AOAH: variants seen among roughly 807,000 people sequenced by gnomAD.
AOAH encodes the protein acyloxyacyl hydrolase.
In AOAH, 64 loss-of-function variants were observed where a neutral mutation model predicts 92.2. That is an observed-to-expected ratio of 0.69 (90% CI 0.57 to 0.86). The LOEUF is 0.86. AOAH is among the 40% of genes least tolerant of loss of function. The pLI is 0.00. For missense variants in AOAH, 656 were observed against 694.6 expected, an observed-to-expected ratio of 0.94 and a Z score of 0.62; for synonymous variants, 263 against 254.5, an observed-to-expected ratio of 1.03 and a Z score of -0.32.
intron 5 of AOAH, among the ~76,000 whole-genome samples, chr7:36,633,563 G>A (rs543049422): frequency 1.1e-4 from 17 of 152,150 alleles, no homozygotes; most frequent in Non-Finnish European, 2.2e-4. Context: ...GTGTCTTAGA[G>A]GAATGCCAAA....
chr7:36,579,373 C>CT (rs1010877168), intron 12 of AOAH, among the ~76,000 whole-genome samples: 2 of 66,196 alleles, frequency 3.0e-5, no homozygotes, highest in African/African-American at 9.3e-5. Flanking sequence ...CTGAACCCCG[C>CT]CCCCCCCAAA....
At chr7:36,518,498 T>G (rs12673000) in intron 20 of AOAH, among the ~76,000 whole-genome samples, 86,028 of 152,072 alleles carry the variant, frequency 0.57, 24,634 homozygotes, top group East Asian at 0.79. Context: ...TTGTCCTCAG[T>G]ACGGGAGGAT....
intron 1 of AOAH, among the ~76,000 whole-genome samples, chr7:36,690,574 G>C (rs957807487): frequency 6.6e-6 from 1 of 152,172 alleles, no homozygotes; most frequent in Non-Finnish European, 1.5e-5. Flanking sequence ...AGAGATGCAC[G>C]GGCAGAGTAA....
chr7:36,673,984 G>C lies in AOAH; in HGVS notation c.249C>G (p.Cys83Trp). 6.2e-7 allele frequency: 1 copy of C among 1,610,068 alleles called. No homozygotes were observed. Among genetic ancestry groups the C allele is most frequent in the Non-Finnish European group, 8.5e-7 (1 of 1,176,842 alleles). ...ATCCAAACTTGTCAATGACTAAATAGCAGGTGGTTTTCAAGAACAGTTTTT... is the reference window on the plus strand; with the variant it reads ...ATCCAAACTTGTCAATGACTAAATACCAGGTGGTTTTCAAGAACAGTTTTT... ...LPEKLFLKTT[C>W]YLVIDKFGSD... The change falls in exon 3 of 21, where the codon TGC becomes TGG. Residue 83 changes from cysteine (C) to tryptophan (W), a missense_variant. By Grantham distance (215) the Cys-to-Trp change is radical. Coordinates refer to ENST00000617537, the MANE Select transcript of AOAH (RefSeq NM_001637.4).
At chr7:36,579,889 G>C (rs1376415946) in intron 12 of AOAH, among the ~76,000 whole-genome samples, 1 of 152,162 alleles carries the variant, frequency 6.6e-6, no homozygotes, top group Non-Finnish European at 1.5e-5. Flanking sequence ...ATCCAATCAA[G>C]TTGACACTCA....
intron 11 of AOAH, among the ~76,000 whole-genome samples, chr7:36,609,079 T>A (rs1791227077): frequency 1.3e-5 from 2 of 151,928 alleles, no homozygotes; most frequent in South Asian, 4.2e-4. Context: ...CAGCCCAAGG[T>A]CAACCCCAAC....
intron 19 of AOAH, among the ~76,000 whole-genome samples, chr7:36,528,741 A>G (rs1009824468): frequency 6.6e-6 from 1 of 152,188 alleles, no homozygotes; most frequent in Non-Finnish European, 1.5e-5. Context: ...GACTACAAGC[A>G]TGCACCACCA....
At chr7:36,632,209 C>T in intron 5 of AOAH, 103 bp from the exon 6 acceptor site, 3 of 921,492 alleles carry the variant, frequency 3.3e-6, no homozygotes, top group Non-Finnish European at 1.7e-6. Context: ...ATCCTCCTTC[C>T]TCTAGAATCC....
intron 20 of AOAH, among the ~76,000 whole-genome samples, chr7:36,515,051 G>A (rs938265491): frequency 5.3e-5 from 8 of 151,334 alleles, no homozygotes; most frequent in Non-Finnish European, 4.4e-5. Context: ...CTCCCCCACC[G>A]CATAACACAC....
At chr7:36,610,517 AAAAG>A (rs1325889019) in intron 11 of AOAH, among the ~76,000 whole-genome samples, 1 of 151,828 alleles carries the variant, frequency 6.6e-6, no homozygotes, top group African/African-American at 2.4e-5. Context: ...TTTTTAAAAA[AAAAG>A]AATATTAAAG....
At chr7:36,710,430 A>T (rs547028692) in intron 1 of AOAH, among the ~76,000 whole-genome samples, 3 of 152,342 alleles carry the variant, frequency 2.0e-5, no homozygotes, top group Admixed American at 6.5e-5. Flanking sequence ...TCAGTCCGGC[A>T]ACTGCAAGGA....
chr7:36,548,088 C>G (rs555966955), intron 15 of AOAH, among the ~76,000 whole-genome samples: 1 of 152,218 alleles, frequency 6.6e-6, no homozygotes, highest in East Asian at 1.9e-4. Context: ...CAGGACACAC[C>G]CATTTGTTGT....
intron 1 of AOAH, among the ~76,000 whole-genome samples, chr7:36,712,113 G>A (rs10279389): frequency 2.0e-5 from 3 of 152,148 alleles, no homozygotes; most frequent in African/African-American, 7.2e-5. Flanking sequence ...TGTCTAAGTC[G>A]TGATAATAAA....
At chr7:36,675,889 T>C (rs1273864436) in intron 2 of AOAH, among the ~76,000 whole-genome samples, 1 of 152,262 alleles carries the variant, frequency 6.6e-6, no homozygotes, top group Non-Finnish European at 1.5e-5. Flanking sequence ...AAAAACCATA[T>C]GATTATCCAA....
chr7:36,618,072 A>T (rs1282254544), intron 10 of AOAH, among the ~76,000 whole-genome samples: 1 of 152,188 alleles, frequency 6.6e-6, no homozygotes, highest in Admixed American at 6.5e-5. Flanking sequence ...TCAATTAAAC[A>T]AATTGTTTTG....
chr7:36,517,580 C>A (rs1783859884), intron 20 of AOAH, among the ~76,000 whole-genome samples: 1 of 148,494 alleles, frequency 6.7e-6, no homozygotes, highest in African/African-American at 2.5e-5. Context: ...GGGTGTAGAG[C>A]CTTTCTGACT....
At chr7:36,705,497 T>C (rs1030716158) in intron 1 of AOAH, among the ~76,000 whole-genome samples, 1 of 152,016 alleles carries the variant, frequency 6.6e-6, no homozygotes, top group Middle Eastern at 3.2e-3. Flanking sequence ...CACAAACAAA[T>C]GGAAAAACAT....
intron 2 of AOAH, among the ~76,000 whole-genome samples, chr7:36,685,984 A>T (rs1459388253): frequency 6.6e-6 from 1 of 152,156 alleles, no homozygotes; most frequent in African/African-American, 2.4e-5. Context: ...CTTAACAGAA[A>T]AAATAATGTA....
chr7:36,643,149 T>C (rs1188168808), intron 4 of AOAH, among the ~76,000 whole-genome samples: 1 of 152,160 alleles, frequency 6.6e-6, no homozygotes, highest in African/African-American at 2.4e-5. Context: ...TTTTTGAGGA[T>C]CCTGAAAATC....
Sources: allele counts gnomAD v4.1 joint callset (sites outside exome capture counted in the v4.1 genomes callset), GRCh38; gene constraint gnomAD v4.1.1; transcripts MANE v1.5; gene names NCBI Gene and HGNC (gene_info 2026-07-23, HGNC 2026-07-21).